Variants in ORMDL1 observed in about 807,000 individuals in gnomAD.
ORMDL1 encodes the protein ORMDL sphingolipid biosynthesis regulator 1.
Under a neutral mutation model 13.0 loss-of-function variants are expected in ORMDL1, and 10 were observed. The observed-to-expected ratio is 0.77, with a 90% confidence interval of 0.47 to 1.30. ORMDL1 has a LOEUF of 1.30. ORMDL1 is among the 50% of genes most tolerant of loss of function. ORMDL1 has a pLI of 0.00. For synonymous variants in ORMDL1, 61 were observed against 63.9 expected, an observed-to-expected ratio of 0.95 and a Z score of 0.22; for missense variants, 171 against 186.7, an observed-to-expected ratio of 0.92 and a Z score of 0.49.
At chr2:189,776,609 G>T (rs2047702713) in intron 3 of ORMDL1, among the ~76,000 whole-genome samples, 1 of 152,056 alleles carries the variant, frequency 6.6e-6, no homozygotes, top group Admixed American at 6.6e-5. Flanking sequence ...TACTTTTAAT[G>T]ATTATATAGA....
At chr2:189,779,805 G>A (rs2047782920) in intron 3 of ORMDL1, among the ~76,000 whole-genome samples, 1 of 152,228 alleles carries the variant, frequency 6.6e-6, no homozygotes, top group Non-Finnish European at 1.5e-5. Context: ...GAGTAAAGCA[G>A]TAGAAGACAG....
At chr2:189,767,353 C>A (rs2047498648), downstream of ORMDL1, among the ~76,000 whole-genome samples, 1 of 152,154 alleles carries the variant, frequency 6.6e-6, no homozygotes, top group Non-Finnish European at 1.5e-5. Context: ...TTTTCACCGG[C>A]AATAACTAAT....
In ORMDL1 at chr2:189,782,506, A is replaced by C; in HGVS notation, c.90T>G (p.Val30=). The C allele has an allele frequency of 6.2e-7, 1 of 1,614,224 alleles. No homozygotes were observed. Among genetic ancestry groups the C allele is most frequent in the Non-Finnish European group, 8.5e-7 (1 of 1,180,028 alleles). The change falls in exon 3 of 5, where the codon GTT becomes GTG. Residue 30 remains valine, a synonymous_variant. Transcript: ENST00000392349. ...RGMWLTYALG[V]GLLHIVLLSI... ...TGAGTAAGACAATATGAAGCAAGCCAACTCCCAATGCATATGTCAGCCACA... is the reference window on the plus strand; with the variant it reads ...TGAGTAAGACAATATGAAGCAAGCCCACTCCCAATGCATATGTCAGCCACA...
intron 3 of ORMDL1, chr2:189,778,092 TA>T (rs1405140729): frequency 5.5e-5 from 24 of 437,586 alleles, no homozygotes; most frequent in South Asian, 3.6e-4. Flanking sequence ...GAAACACGGT[TA>T]GGGGGTGGTG....
At chr2:189,778,795 T>C (rs1007526700) in intron 3 of ORMDL1, among the ~76,000 whole-genome samples, 3 of 152,086 alleles carry the variant, frequency 2.0e-5, no homozygotes, top group Admixed American at 1.3e-4. Flanking sequence ...TTCAGGACGC[T>C]GAGGCAGGAG....
chr2:189,774,597 G>A (rs2047653272), intron 4 of ORMDL1: 1 of 152,184 alleles, frequency 6.6e-6, no homozygotes, highest in African/African-American at 2.4e-5. Context: ...AGAGTATTAA[G>A]ATATATGAGC....
At chr2:189,765,339 A>C (rs546254029), downstream of ORMDL1, 1 of 152,366 alleles carries the variant, frequency 6.6e-6, no homozygotes, top group East Asian at 1.9e-4. Flanking sequence ...ATGTGAATGG[A>C]AACTGCATTC....
At chr2:189,783,435 G>A (rs966379375) in intron 1 of ORMDL1, 5 of 152,190 alleles carry the variant, frequency 3.3e-5, no homozygotes, top group African/African-American at 1.2e-4. Flanking sequence ...AACGAGGCTA[G>A]ATTATATTTG....
downstream of ORMDL1, among the ~76,000 whole-genome samples, chr2:189,769,955 T>C (rs1388347088): frequency 2.0e-5 from 3 of 152,158 alleles, no homozygotes; most frequent in Non-Finnish European, 4.4e-5. Flanking sequence ...TTGTTCCAAG[T>C]AATAGTCATT....
At chr2:189,765,789 A>G (rs1394689912), downstream of ORMDL1, among the ~76,000 whole-genome samples, 3 of 149,622 alleles carry the variant, frequency 2.0e-5, no homozygotes, top group Non-Finnish European at 4.4e-5. Context: ...ATTGTCTTAC[A>G]TTCTTTGACT....
rs1302446381 is a variant in ORMDL1 at position 189,770,702 on chromosome 2, G to A, written c.*1065C>T. 6.6e-6 allele frequency: 1 copy of A among 152,086 alleles called. No homozygotes were observed. The highest frequency in any genetic ancestry group is 2.4e-5 in the African/African-American group (1 of 41,410). The allele number at this position is 152,086 out of a possible 1,614,324, so 9.4% of individuals were successfully genotyped here. A position where few individuals can be genotyped will look rare whatever the true frequency, so the allele number is the denominator to read the frequency against. Reference sequence around the variant, plus strand: ...AATTCAATGTGGTTGCTGTTCTGGAGACAGTTACCATTTTGGGCTATATAT... The same window carrying A: ...AATTCAATGTGGTTGCTGTTCTGGAAACAGTTACCATTTTGGGCTATATAT... On this transcript the variant is annotated 3_prime_UTR_variant, in exon 5 of 5. Coordinates refer to ENST00000392349, the MANE Select transcript of ORMDL1 (RefSeq NM_016467.5).
In ORMDL1 at chr2:189,771,604, T is replaced by C. The variant is rs994014482; in HGVS notation, c.*163A>G. ...TGTATTAAACAGAGGCATCATTTAA[T>C]GGAAATCTGCACTTCAAAACAGCAC... On this transcript the variant is annotated 3_prime_UTR_variant, in exon 5 of 5. Transcript: ENST00000392349. 7.1e-6 allele frequency: 4 copies of C among 566,466 alleles called. No individual in the cohort carries two copies. The African/African-American group carries it at 7.9e-5, about 11-fold the overall frequency. The allele number at this position is 566,466 out of a possible 1,614,324, so 35.1% of individuals were successfully genotyped here.
chr2:189,782,633 G>GAT (rs1362916025), intron 2 of ORMDL1, 31 bp from the exon 3 acceptor site: 3 of 1,584,940 alleles, frequency 1.9e-6, no homozygotes, highest in Non-Finnish European at 2.6e-6. Context: ...AATCAACACT[G>GAT]ATACAACTGG....
chr2:189,781,518 C>T lies in ORMDL1; in HGVS notation c.174+904G>A, dbSNP rs533198712. 9.9e-5 allele frequency among the ~76,000 whole-genome samples: 15 copies of T among 152,134 alleles called. No homozygotes were observed. The South Asian group carries it at 2.7e-3, about 27-fold the overall frequency. On this transcript the variant is annotated intron_variant, in intron 3 of 4. Transcript: ENST00000392349. The stretch of plus-strand genomic sequence containing the variant: ...AGAGCTAACACAAGAGAGTAACAAG[C>T]AGCAGCTAAGGCACCATAAGATCCT...
At chr2:189,769,690 A>G (rs1313511868), downstream of ORMDL1, among the ~76,000 whole-genome samples, 1 of 152,206 alleles carries the variant, frequency 6.6e-6, no homozygotes, top group Non-Finnish European at 1.5e-5. Context: ...TGAAATATCC[A>G]TAAGCCCAGA....
At chr2:189,781,440 T>C (rs2047827687) in intron 3 of ORMDL1, among the ~76,000 whole-genome samples, 1 of 152,132 alleles carries the variant, frequency 6.6e-6, no homozygotes, top group South Asian at 2.1e-4. Flanking sequence ...AAAGGCAATT[T>C]CCAGGGCTGC....
chr2:189,774,182 G>A (rs1460411680), intron 4 of ORMDL1, among the ~76,000 whole-genome samples: 3 of 152,000 alleles, frequency 2.0e-5, no homozygotes, highest in Non-Finnish European at 2.9e-5. Flanking sequence ...TTAATAAATC[G>A]GGTCTTGCTC....
At chr2:189,780,610 G>T in intron 3 of ORMDL1, among the ~76,000 whole-genome samples, 1 of 152,098 alleles carries the variant, frequency 6.6e-6, no homozygotes, top group South Asian at 2.1e-4. Context: ...ATGAAGAAAA[G>T]AACCTTGGGA....
At chr2:189,782,039 T>C (rs1484827144) in intron 3 of ORMDL1, among the ~76,000 whole-genome samples, 1 of 151,548 alleles carries the variant, frequency 6.6e-6, no homozygotes, top group Non-Finnish European at 1.5e-5. Context: ...GCCTCCCAGG[T>C]TCAAGCGATT....
Sources: gnomAD v4.1 joint callset for allele counts (sites outside exome capture counted in the v4.1 genomes callset) on GRCh38, gnomAD v4.1.1 for gene constraint, MANE v1.5 for transcripts, NCBI Gene and HGNC (gene_info 2026-07-23, HGNC 2026-07-21) for gene names.